SPTLC3: variants seen among roughly 807,000 people sequenced by gnomAD.
SPTLC3 encodes serine palmitoyltransferase 3.
SPTLC3 carries 36 observed loss-of-function variants against 59.3 expected under a neutral mutation model. The observed-to-expected ratio is 0.61, with a 90% CI of 0.47 to 0.80. The LOEUF (loss-of-function observed/expected upper bound fraction) is 0.80. SPTLC3 is among the 30% of genes least tolerant of loss of function. The pLI is 0.00. For synonymous variants in SPTLC3, 257 were observed against 240.8 expected (o/e 1.07, Z -0.62); for missense variants, 625 against 685.1 (o/e 0.91, Z 0.98).
At chr20:13,083,124 C>G (rs1388113804) in intron 4 of SPTLC3, among the ~76,000 whole-genome samples, 2 of 152,170 alleles carry the variant, frequency 1.3e-5, no homozygotes, top group African/African-American at 4.8e-5. Context: ...AGGACATAAC[C>G]TAAATACGTG....
chr20:13,020,613 T>C (rs1485996607), intron 1 of SPTLC3, among the ~76,000 whole-genome samples: 1 of 152,222 alleles, frequency 6.6e-6, no homozygotes, highest in Non-Finnish European at 1.5e-5. Context: ...TTTTATATAC[T>C]CTTTTAAAAC....
chr20:13,056,778 G>T (rs1987749911), intron 2 of SPTLC3, among the ~76,000 whole-genome samples: 1 of 137,794 alleles, frequency 7.3e-6, no homozygotes, highest in Non-Finnish European at 1.5e-5. Context: ...GTCTCACTCT[G>T]TCAAACAGGA....
chr20:13,141,073 A>G (rs369015567), intron 9 of SPTLC3, among the ~76,000 whole-genome samples: 1 of 152,342 alleles, frequency 6.6e-6, no homozygotes, highest in Non-Finnish European at 1.5e-5. Context: ...ACAGGGACTA[A>G]GTGGGAAGAT....
intron 2 of SPTLC3, among the ~76,000 whole-genome samples, chr20:13,055,829 G>A (rs147491476): frequency 3.2e-4 from 48 of 152,260 alleles, no homozygotes; most frequent in African/African-American, 1.1e-3. Flanking sequence ...AGTTGGAGAG[G>A]AAAGAGGGGA....
chr20:13,124,445 G>C (rs1308787603), intron 8 of SPTLC3, among the ~76,000 whole-genome samples: 1 of 151,566 alleles, frequency 6.6e-6, no homozygotes, highest in African/African-American at 2.4e-5. Flanking sequence ...AATGAAAAGA[G>C]AGAGAACTAG....
intron 1 of SPTLC3, among the ~76,000 whole-genome samples, chr20:13,026,318 T>A (rs1054077868): frequency 4.4e-4 from 67 of 152,204 alleles, no homozygotes; most frequent in African/African-American, 1.6e-3. Context: ...TCATCCACAA[T>A]GGTTGAACTA....
chr20:13,108,035 T>C (rs1654098734), intron 6 of SPTLC3, among the ~76,000 whole-genome samples: 1 of 152,190 alleles, frequency 6.6e-6, no homozygotes, highest in African/African-American at 2.4e-5. Context: ...GTATGCAGCA[T>C]CTTATTCATG....
chr20:13,116,958 T>C (rs1990593719), intron 7 of SPTLC3, among the ~76,000 whole-genome samples: 1 of 152,342 alleles, frequency 6.6e-6, no homozygotes, highest in Non-Finnish European at 1.5e-5. Flanking sequence ...GGTCTTTGAC[T>C]TGAAGTGGGT....
Position 13,093,471 on chromosome 20 carries a change from G to C in SPTLC3, c.733-13G>C, listed in dbSNP as rs1000117783. ...TTATTGGCTTGTGTTTTGTGTGCTT[G>C]TTTTCTGCACAGGGATGCCTCATTT... On this transcript the variant is annotated splice_polypyrimidine_tract_variant and intron_variant, in intron 5 of 11. Coordinates refer to ENST00000399002, the MANE Select transcript of SPTLC3 (RefSeq NM_018327.4). 1.2e-6 allele frequency: 2 copies of C among 1,611,276 alleles called. No homozygotes were observed. Among genetic ancestry groups the C allele is most frequent in the Non-Finnish European group, 1.7e-6 (2 of 1,178,256 alleles).
At chr20:13,014,467 A>G (rs897731848) in intron 1 of SPTLC3, among the ~76,000 whole-genome samples, 1 of 152,198 alleles carries the variant, frequency 6.6e-6, no homozygotes, top group Non-Finnish European at 1.5e-5. Flanking sequence ...TCAGAGCATT[A>G]TGCCTTTGGC....
intron 2 of SPTLC3, among the ~76,000 whole-genome samples, chr20:13,067,269 A>G (rs1053595425): frequency 1.3e-5 from 2 of 151,908 alleles, no homozygotes; most frequent in African/African-American, 4.8e-5. Flanking sequence ...CCTGTGGCCA[A>G]TATTATCACT....
chr20:13,134,123 C>G (rs2038188910), intron 9 of SPTLC3, among the ~76,000 whole-genome samples: 1 of 152,210 alleles, frequency 6.6e-6, no homozygotes, highest in South Asian at 2.1e-4. Flanking sequence ...ACAGGTGCAG[C>G]TACCATATAA....
At chr20:13,028,110 G>T (rs1301855308) in intron 1 of SPTLC3, among the ~76,000 whole-genome samples, 2 of 152,152 alleles carry the variant, frequency 1.3e-5, no homozygotes, top group East Asian at 3.9e-4. Flanking sequence ...TTGGGTTCTT[G>T]CAACATAACA....
At chr20:13,075,134 C>CA (rs34927240) in intron 4 of SPTLC3, among the ~76,000 whole-genome samples, 5,859 of 137,054 alleles carry the variant, frequency 0.043, 137 homozygotes, top group African/African-American at 0.07. Flanking sequence ...TTCATTTATT[C>CA]AAAAAAAAAA....
intron 2 of SPTLC3, among the ~76,000 whole-genome samples, chr20:13,071,614 C>T (rs3859620): frequency 0.4 from 60,604 of 151,938 alleles, 12,222 homozygotes; most frequent in Middle Eastern, 0.55. Flanking sequence ...TTTTTCTAAA[C>T]GGGAAGAGGG....
At chr20:13,145,355 G>A (rs2038485408) in intron 9 of SPTLC3, among the ~76,000 whole-genome samples, 1 of 152,058 alleles carries the variant, frequency 6.6e-6, no homozygotes, top group African/African-American at 2.4e-5. Context: ...CAGCAAAACT[G>A]AGAGCCAAAT....
rs775904049 is a variant in SPTLC3 at position 13,154,080 on chromosome 20, T to A, written c.1357T>A (p.Tyr453Asn). 1.2e-6 allele frequency: 2 copies of A among 1,614,184 alleles called. No homozygotes were observed. Among genetic ancestry groups the A allele is most frequent in the Non-Finnish European group, 1.7e-6 (2 of 1,180,002 alleles). ...QRLQEMGFII[Y>N]GNENASVVPL... ...ACTGCAGGAAATGGGATTCATTATC[T>A]ATGGCAATGAGAATGCTTCTGTTGT... is the stretch of plus-strand genomic sequence containing the variant. Residue 453 changes from tyrosine (Y) to asparagine (N), a missense_variant, in exon 10 of 12, where the codon TAT (tyrosine) becomes AAT (asparagine). Coordinates refer to ENST00000399002, the MANE Select transcript of SPTLC3 (RefSeq NM_018327.4).
At chr20:13,031,510 G>A (rs929618983) in intron 1 of SPTLC3, among the ~76,000 whole-genome samples, 1 of 152,154 alleles carries the variant, frequency 6.6e-6, no homozygotes, top group East Asian at 1.9e-4. Context: ...GTATAAACAT[G>A]AAATAAATTA....
chr20:13,019,351 G>A (rs1343550307), intron 1 of SPTLC3, among the ~76,000 whole-genome samples: 11 of 152,148 alleles, frequency 7.2e-5, no homozygotes, highest in Non-Finnish European at 1.6e-4. Context: ...ACACCAATTT[G>A]TAACCTCTAA....
Sources: allele counts gnomAD v4.1 joint callset (sites outside exome capture counted in the v4.1 genomes callset), GRCh38; gene constraint gnomAD v4.1.1; transcripts MANE v1.5; gene names NCBI Gene and HGNC (gene_info 2026-07-23, HGNC 2026-07-21).